Variants in TTC27 observed in about 807,000 individuals in gnomAD.
TTC27 encodes the protein tetratricopeptide repeat protein 27.
A neutral mutation model predicts 115.9 loss-of-function variants in TTC27; 79 were observed. The observed-to-expected ratio is 0.68, with a 90% confidence interval of 0.57 to 0.82. The LOEUF is 0.82. TTC27 is among the 40% of genes least tolerant of loss of function. The pLI is 0.00. For missense variants in TTC27, 1,054 were observed against 993.1 expected (o/e 1.06, Z -0.82); for synonymous variants, 401 against 356.0 (o/e 1.13, Z -1.42).
intron 12 of TTC27, among the ~76,000 whole-genome samples, chr2:32,748,407 T>C (rs1668899876): frequency 6.6e-6 from 1 of 152,230 alleles, no homozygotes; most frequent in Non-Finnish European, 1.5e-5. Context: ...TGTATTCTGC[T>C]GTTGGCTGGA....
chr2:32,700,431 T>C (rs1316272972), intron 9 of TTC27, among the ~76,000 whole-genome samples: 2 of 152,162 alleles, frequency 1.3e-5, no homozygotes, highest in Non-Finnish European at 2.9e-5. Flanking sequence ...TTATAGATGA[T>C]AATCCCTTTA....
chr2:32,745,289 T>C (rs1003855156), intron 12 of TTC27, among the ~76,000 whole-genome samples: 1 of 152,164 alleles, frequency 6.6e-6, no homozygotes, highest in Admixed American at 6.5e-5. Flanking sequence ...TCAGATGATA[T>C]CATCAGGACT....
intron 16 of TTC27, among the ~76,000 whole-genome samples, chr2:32,805,373 G>C (rs911143971): frequency 6.6e-6 from 1 of 152,214 alleles, no homozygotes; most frequent in African/African-American, 2.4e-5. Context: ...CAGGTCACTG[G>C]TGATCAGAAT....
At chr2:32,641,153 TAGTAA>T (rs1209116358) in intron 4 of TTC27, among the ~76,000 whole-genome samples, 12 of 152,218 alleles carry the variant, frequency 7.9e-5, no homozygotes, top group African/African-American at 2.9e-4. Context: ...GGGTTGGATT[TAGTAA>T]AGCATTTGTT....
chr2:32,703,296 G>A (rs1412157261), intron 10 of TTC27, among the ~76,000 whole-genome samples: 2 of 152,102 alleles, frequency 1.3e-5, no homozygotes, highest in Admixed American at 6.6e-5. Context: ...GTGAAACCCC[G>A]TCTCTACTGA....
intron 10 of TTC27, among the ~76,000 whole-genome samples, chr2:32,708,326 T>TTTTTTTTTTTTTTTTA: frequency 7.0e-6 from 1 of 142,334 alleles, no homozygotes; most frequent in African/African-American, 2.6e-5. Flanking sequence ...TTTTTTTTTT[T>TTTTTTTTTTTTTTTTA]AATGAGATGG....
intron 10 of TTC27, among the ~76,000 whole-genome samples, chr2:32,711,096 G>A (rs1321705524): frequency 8.3e-6 from 1 of 119,914 alleles, no homozygotes; most frequent in Non-Finnish European, 1.6e-5. Context: ...CAGCCTGGGT[G>A]ACAGACCAAG....
At chr2:32,818,315 T>C (rs971893356) in intron 19 of TTC27, among the ~76,000 whole-genome samples, 2 of 152,224 alleles carry the variant, frequency 1.3e-5, no homozygotes, top group African/African-American at 4.8e-5. Flanking sequence ...TAATGTTTCC[T>C]TTTAGAAAGA....
At chr2:32,735,283 G>A (rs985955664) in intron 11 of TTC27, among the ~76,000 whole-genome samples, 14 of 152,162 alleles carry the variant, frequency 9.2e-5, no homozygotes, top group Non-Finnish European at 1.9e-4. Flanking sequence ...TCAAGAATGT[G>A]TTAACAGCTG....
intron 12 of TTC27, among the ~76,000 whole-genome samples, chr2:32,743,594 C>T (rs373038032): frequency 6.6e-6 from 1 of 152,172 alleles, no homozygotes; most frequent in South Asian, 2.1e-4. Flanking sequence ...ATTCTCAGTT[C>T]TCAACACTGG....
intron 3 of TTC27, among the ~76,000 whole-genome samples, chr2:32,636,129 G>T (rs1664414540): frequency 6.6e-6 from 1 of 152,154 alleles, no homozygotes; most frequent in Admixed American, 6.6e-5. Flanking sequence ...TGGCCCTATA[G>T]TATAGATTAG....
At chr2:32,687,768 A>C (rs547956530) in intron 9 of TTC27, among the ~76,000 whole-genome samples, 38 of 152,320 alleles carry the variant, frequency 2.5e-4, no homozygotes, top group African/African-American at 8.9e-4. Context: ...GTAATTATAA[A>C]TGTGTATGTA....
At chr2:32,690,669 T>C (rs897137957) in intron 9 of TTC27, among the ~76,000 whole-genome samples, 1 of 152,120 alleles carries the variant, frequency 6.6e-6, no homozygotes, top group African/African-American at 2.4e-5. Context: ...TTGAGGGTAA[T>C]AGTGAGACTT....
At chr2:32,810,539 GGAA>G (rs2148046346) in intron 16 of TTC27, among the ~76,000 whole-genome samples, 1 of 152,294 alleles carries the variant, frequency 6.6e-6, no homozygotes, top group Admixed American at 6.5e-5. Context: ...AGAGATTACA[GGAA>G]GAAGATCAAT....
chr2:32,678,365 A>G (rs1666293514), intron 8 of TTC27, among the ~76,000 whole-genome samples: 1 of 151,764 alleles, frequency 6.6e-6, no homozygotes, highest in Admixed American at 6.6e-5. Flanking sequence ...TATATCTTTG[A>G]CAAACTCTAC....
At chr2:32,629,941 A>G (rs1664110581) in intron 1 of TTC27, among the ~76,000 whole-genome samples, 1 of 152,186 alleles carries the variant, frequency 6.6e-6, no homozygotes, top group Admixed American at 6.5e-5. Context: ...TTCCAGTGAC[A>G]GGAAGTTTGA....
At chr2:32,669,026 C>G (rs938263379) in intron 7 of TTC27, among the ~76,000 whole-genome samples, 1 of 151,924 alleles carries the variant, frequency 6.6e-6, no homozygotes, top group Non-Finnish European at 1.5e-5. Flanking sequence ...TTGCAGTGAG[C>G]TGAGATCGTG....
chr2:32,698,033 C>T (rs564424566), intron 9 of TTC27, among the ~76,000 whole-genome samples: 1 of 152,190 alleles, frequency 6.6e-6, no homozygotes, highest in East Asian at 1.9e-4. Context: ...TGTGCCTGGC[C>T]AGTAATAATT....
intron 3 of TTC27, among the ~76,000 whole-genome samples, chr2:32,635,767 G>T (rs1363341229): frequency 6.7e-6 from 1 of 149,706 alleles, no homozygotes; most frequent in African/African-American, 2.5e-5. Context: ...TAATTTGATG[G>T]GGGGGTAGAA....
Sources: allele counts gnomAD v4.1 joint callset (sites outside exome capture counted in the v4.1 genomes callset), GRCh38; gene constraint gnomAD v4.1.1; transcripts MANE v1.5; gene names NCBI Gene and HGNC (gene_info 2026-07-23, HGNC 2026-07-21).